The following LAMA2 variants were observed in gnomAD, a reference collection of about 807,000 sequenced individuals.
LAMA2 encodes laminin subunit alpha-2.
A neutral mutation model predicts 364.8 loss-of-function variants in LAMA2; 269 were observed. That is an observed-to-expected ratio of 0.74 (90% CI 0.67 to 0.82). LAMA2 has a LOEUF of 0.82. LAMA2 is among the 40% of genes least tolerant of loss of function. The pLI is 0.00. For synonymous variants in LAMA2, 1,379 were observed against 1,370.6 expected, an observed-to-expected ratio of 1.01 and a Z score of -0.14; for missense variants, 3,807 against 3,873.2, an observed-to-expected ratio of 0.98 and a Z score of 0.45.
intron 1 of LAMA2, among the ~76,000 whole-genome samples, chr6:128,974,779 TTTA>T (rs1247715883): frequency 6.6e-6 from 1 of 152,214 alleles, no homozygotes; most frequent in African/African-American, 2.4e-5. Flanking sequence ...TATGGACTAT[TTTA>T]TTAACTTTGA....
At chr6:129,354,196 G>A (rs1222304426) in intron 32 of LAMA2, among the ~76,000 whole-genome samples, 1 of 152,104 alleles carries the variant, frequency 6.6e-6, no homozygotes, top group Non-Finnish European at 1.5e-5. Flanking sequence ...AATCTTAATA[G>A]TATCTTAAAT....
At chr6:129,395,414 A>T (rs1311751207) in intron 37 of LAMA2, among the ~76,000 whole-genome samples, 3 of 152,208 alleles carry the variant, frequency 2.0e-5, no homozygotes, top group African/African-American at 7.2e-5. Flanking sequence ...TGATTGTGTC[A>T]GTGATGAGCC....
At chr6:128,884,982 T>TC (rs1290947764) in intron 1 of LAMA2, among the ~76,000 whole-genome samples, 7 of 152,150 alleles carry the variant, frequency 4.6e-5, no homozygotes, top group Non-Finnish European at 1.0e-4. Context: ...TTATTTACTC[T>TC]CTTTTCAAAT....
intron 35 of LAMA2, 102 bp from the exon 36 acceptor site, chr6:129,391,389 A>G: frequency 2.0e-6 from 2 of 981,996 alleles, no homozygotes; most frequent in Non-Finnish European, 3.3e-6. Context: ...ACGGCAAAAT[A>G]CTCTTCATTT....
chr6:129,192,438 A>G (rs1449862491), intron 11 of LAMA2, among the ~76,000 whole-genome samples: 1 of 152,226 alleles, frequency 6.6e-6, no homozygotes, highest in Admixed American at 6.5e-5. Flanking sequence ...AAAACAGATT[A>G]TTATAGAATA....
intron 1 of LAMA2, among the ~76,000 whole-genome samples, chr6:129,025,742 G>A (rs1419264838): frequency 2.0e-5 from 3 of 152,174 alleles, no homozygotes; most frequent in Non-Finnish European, 2.9e-5. Context: ...CTGGGTGGAT[G>A]CAGGGCATGT....
chr6:129,145,153 C>T (rs3778141), intron 5 of LAMA2, among the ~76,000 whole-genome samples: 37,528 of 151,780 alleles, frequency 0.25, 5,276 homozygotes, highest in African/African-American at 0.39. Flanking sequence ...AGAATGATCC[C>T]ACTAAGGTAA....
chr6:129,451,067 C>G (rs1009775317), intron 45 of LAMA2, among the ~76,000 whole-genome samples: 2 of 152,206 alleles, frequency 1.3e-5, no homozygotes, highest in African/African-American at 2.4e-5. Flanking sequence ...TCTTGCTTCT[C>G]TCTTTTTATC....
intron 29 of LAMA2, among the ~76,000 whole-genome samples, chr6:129,330,784 C>T (rs1775601975): frequency 6.6e-6 from 1 of 151,874 alleles, no homozygotes; most frequent in Non-Finnish European, 1.5e-5. Context: ...CTTTGCAACG[C>T]TCATTTCCCT....
At chr6:129,124,987 G>C (rs1032811624) in intron 4 of LAMA2, among the ~76,000 whole-genome samples, 1 of 152,194 alleles carries the variant, frequency 6.6e-6, no homozygotes, top group Non-Finnish European at 1.5e-5. Flanking sequence ...ATAGTGGCTT[G>C]GAGCAGGGTA....
chr6:129,330,592 G>GTTTTTTTTTTTT (rs1406358715), intron 29 of LAMA2, among the ~76,000 whole-genome samples: 2 of 78,532 alleles, frequency 2.5e-5, no homozygotes, highest in African/African-American at 1.0e-4. Context: ...TTGTTGTTTG[G>GTTTTTTTTTTTT]TTTTTGTTTT....
chr6:129,456,774 A>G (rs763996071), intron 48 of LAMA2, among the ~76,000 whole-genome samples: 1 of 152,128 alleles, frequency 6.6e-6, no homozygotes, highest in Non-Finnish European at 1.5e-5. Context: ...TAGTTGCCTC[A>G]AGAGCAAAGT....
At chr6:129,441,029 C>A (rs745885337) in intron 43 of LAMA2, 31 bp downstream of exon 43, 6 of 1,567,924 alleles carry the variant, frequency 3.8e-6, no homozygotes, top group South Asian at 1.1e-5. Context: ...GTGATGATGT[C>A]ATTTATTTCC....
intron 51 of LAMA2, 44 bp from the exon 52 acceptor site, chr6:129,473,170 G>A: frequency 1.4e-6 from 2 of 1,465,022 alleles, no homozygotes; most frequent in Non-Finnish European, 1.9e-6. Context: ...AGATGTGGTT[G>A]ATATTGCTCA....
At chr6:129,307,856 C>T (rs1773975743) in intron 22 of LAMA2, among the ~76,000 whole-genome samples, 1 of 152,150 alleles carries the variant, frequency 6.6e-6, no homozygotes, top group African/African-American at 2.4e-5. Flanking sequence ...TAGTGGGAGT[C>T]GTTCCAATTG....
At position 129,383,136 on chromosome 6, in the gene LAMA2, A is replaced by G; in HGVS notation, c.4974A>G (p.Thr1658=). The change falls in exon 35 of 65, where the codon ACA becomes ACG. Residue 1658 remains threonine, a synonymous_variant. Coordinates refer to ENST00000421865, the MANE Select transcript of LAMA2 (RefSeq NM_000426.4). The part of the protein sequence containing the change: ...NELLTRATKV[T]ADGEQTGQDA... ...TGGATCATTAGGCTACCAAAGTGACAGCAGATGGCGAGCAGACCGGACAGG... is the reference window on the plus strand; with the variant it reads ...TGGATCATTAGGCTACCAAAGTGACGGCAGATGGCGAGCAGACCGGACAGG... The G allele has an allele frequency of 6.2e-7, 1 of 1,613,702 alleles. No homozygotes were observed. Among genetic ancestry groups the G allele is most frequent in the Non-Finnish European group, 8.5e-7 (1 of 1,179,802 alleles).
intron 33 of LAMA2, among the ~76,000 whole-genome samples, chr6:129,369,237 G>A (rs1400166397): frequency 2.0e-5 from 3 of 152,154 alleles, no homozygotes; most frequent in Admixed American, 6.5e-5. Context: ...ACCCGCTATG[G>A]TTTTGTCTGC....
intron 34 of LAMA2, among the ~76,000 whole-genome samples, chr6:129,376,903 C>T (rs1489490883): frequency 6.6e-6 from 1 of 152,072 alleles, no homozygotes; most frequent in Non-Finnish European, 1.5e-5. Context: ...GGCAAGAAAC[C>T]TTTTTGTTTC....
intron 1 of LAMA2, among the ~76,000 whole-genome samples, chr6:128,912,718 A>G (rs951205267): frequency 5.3e-5 from 8 of 152,246 alleles, no homozygotes; most frequent in Non-Finnish European, 1.0e-4. Flanking sequence ...AAGTAAGTGT[A>G]TGTATATCAT....
Sources: allele counts gnomAD v4.1 joint callset (sites outside exome capture counted in the v4.1 genomes callset), GRCh38; gene constraint gnomAD v4.1.1; transcripts MANE v1.5; gene names NCBI Gene and HGNC (gene_info 2026-07-23, HGNC 2026-07-21).